The following MAP4K4 variants were observed in gnomAD, a reference collection of about 807,000 sequenced individuals.
MAP4K4 encodes the protein HPK/GCK-like kinase HGK.
MAP4K4 carries 38 observed loss-of-function variants against 189.6 expected under a neutral mutation model. The observed-to-expected ratio is 0.20, with a 90% CI of 0.15 to 0.26. MAP4K4 has a LOEUF of 0.26. Among genes scored for constraint, MAP4K4 ranks in the 10% least tolerant of loss-of-function variants. MAP4K4 has a pLI of 1.00. For missense variants in MAP4K4, 1,054 were observed against 1,726.9 expected, an observed-to-expected ratio of 0.61 and a Z score of 6.91; for synonymous variants, 610 against 624.3, an observed-to-expected ratio of 0.98 and a Z score of 0.34.
chr2:101,751,745 G>T (rs1395249584), intron 2 of MAP4K4, among the ~76,000 whole-genome samples: 1 of 152,198 alleles, frequency 6.6e-6, no homozygotes. Flanking sequence ...AGGTGAGTTG[G>T]TAGGGGCTCG....
chr2:101,735,161 A>G (rs1299127281), intron 2 of MAP4K4, among the ~76,000 whole-genome samples: 2 of 152,142 alleles, frequency 1.3e-5, no homozygotes, highest in Non-Finnish European at 2.9e-5. Context: ...GGTGGTATGA[A>G]TGAGACCACT....
intron 2 of MAP4K4, among the ~76,000 whole-genome samples, chr2:101,760,804 G>C (rs755785134): frequency 2.0e-5 from 3 of 152,078 alleles, no homozygotes; most frequent in Admixed American, 6.6e-5. Flanking sequence ...GGGAGTTGGC[G>C]ACCAGGCTGA....
intron 11 of MAP4K4, 58 bp from the exon 12 acceptor site, chr2:101,844,043 T>C: frequency 3.4e-6 from 4 of 1,190,802 alleles, no homozygotes; most frequent in East Asian, 5.0e-5. Context: ...TGCTATTGAC[T>C]CACTTATAGG....
intron 12 of MAP4K4, among the ~76,000 whole-genome samples, chr2:101,851,404 G>C (rs1031268788): frequency 2.6e-5 from 4 of 152,070 alleles, no homozygotes; most frequent in African/African-American, 9.7e-5. Context: ...AATTCCCTGG[G>C]CTTTGTTATT....
chr2:101,806,991 G>T (rs1003210962), intron 3 of MAP4K4, among the ~76,000 whole-genome samples: 1 of 151,902 alleles, frequency 6.6e-6, no homozygotes, highest in African/African-American at 2.4e-5. Flanking sequence ...GTGTGGAGTA[G>T]TGTTGGTTCA....
At chr2:101,707,451 C>T (rs1287062929) in intron 2 of MAP4K4, among the ~76,000 whole-genome samples, 1 of 151,948 alleles carries the variant, frequency 6.6e-6, no homozygotes, top group African/African-American at 2.4e-5. Flanking sequence ...TCAGGTGATC[C>T]CCCTGCCTGG....
intron 27 of MAP4K4, among the ~76,000 whole-genome samples, chr2:101,878,604 A>C (rs892233262): frequency 2.6e-5 from 4 of 152,224 alleles, no homozygotes; most frequent in African/African-American, 7.2e-5. Flanking sequence ...TTTTTCACAG[A>C]TATCCTTGTA....
intron 2 of MAP4K4, among the ~76,000 whole-genome samples, chr2:101,786,684 G>A (rs1296096430): frequency 6.6e-6 from 1 of 152,206 alleles, no homozygotes; most frequent in Non-Finnish European, 1.5e-5. Flanking sequence ...CTCTCTTGAA[G>A]TATGTATATA....
chr2:101,765,435 C>A (rs1048663025), intron 2 of MAP4K4, among the ~76,000 whole-genome samples: 2 of 152,106 alleles, frequency 1.3e-5, no homozygotes, highest in African/African-American at 4.8e-5. Context: ...GCTCAGGTGA[C>A]CCCCTTGCCT....
At chr2:101,757,598 C>T (rs554594635) in intron 2 of MAP4K4, among the ~76,000 whole-genome samples, 5 of 152,276 alleles carry the variant, frequency 3.3e-5, no homozygotes, top group South Asian at 2.1e-4. Context: ...GGATACATTC[C>T]AAGACCCCCA....
At chr2:101,753,421 T>G (rs1178624658) in intron 2 of MAP4K4, among the ~76,000 whole-genome samples, 1 of 152,240 alleles carries the variant, frequency 6.6e-6, no homozygotes, top group Non-Finnish European at 1.5e-5. Context: ...AACATTCTCA[T>G]TGTGCTGCTT....
At chr2:101,835,686 T>A (rs1162750354) in intron 8 of MAP4K4, among the ~76,000 whole-genome samples, 3 of 152,212 alleles carry the variant, frequency 2.0e-5, no homozygotes, top group Admixed American at 1.3e-4. Context: ...AAATGTATAT[T>A]CTTCTTGTTG....
intron 16 of MAP4K4, among the ~76,000 whole-genome samples, chr2:101,863,018 A>AT (rs34314427): frequency 3.9e-5 from 6 of 152,116 alleles, no homozygotes; most frequent in Admixed American, 3.9e-4. Context: ...TATTTTATGG[A>AT]TTTTTTCAGA....
exon 1 of MAP4K4, chr2:101,698,077 G>A (rs1558978450): frequency 7.6e-7 from 1 of 1,322,394 alleles, no homozygotes; most frequent in Non-Finnish European, 1.0e-6. Flanking sequence ...GGCAAAAAGG[G>A]AAAATGGCGA....
intron 3 of MAP4K4, among the ~76,000 whole-genome samples, chr2:101,806,179 T>C (rs866216982): frequency 1.3e-5 from 2 of 152,134 alleles, no homozygotes; most frequent in African/African-American, 4.8e-5. Context: ...GTCTTTGATA[T>C]GACATTTTGT....
At chr2:101,700,898 T>C (rs547467512) in intron 2 of MAP4K4, among the ~76,000 whole-genome samples, 1 of 152,148 alleles carries the variant, frequency 6.6e-6, no homozygotes, top group South Asian at 2.1e-4. Flanking sequence ...TTTTTAACTA[T>C]TTAATTTCTA....
chr2:101,819,514 C>T (rs1057456882), intron 3 of MAP4K4, among the ~76,000 whole-genome samples: 2 of 151,958 alleles, frequency 1.3e-5, no homozygotes, highest in Non-Finnish European at 2.9e-5. Context: ...GTGTAATAGT[C>T]GTCTATTTTA....
At chr2:101,860,076 G>A in intron 15 of MAP4K4, 1 of 597,128 alleles carries the variant, frequency 1.7e-6, no homozygotes, top group South Asian at 2.0e-5. Flanking sequence ...AAGGACCAGA[G>A]TGCCTCAGTT....
chr2:101,751,689 G>C (rs1449186162), intron 2 of MAP4K4, among the ~76,000 whole-genome samples: 1 of 152,146 alleles, frequency 6.6e-6, no homozygotes, highest in East Asian at 1.9e-4. Flanking sequence ...GTAAGTTAAG[G>C]AACTGTTAGG....
Sources: gnomAD v4.1 joint callset for allele counts (sites outside exome capture counted in the v4.1 genomes callset) on GRCh38, gnomAD v4.1.1 for gene constraint, MANE v1.5 for transcripts, NCBI Gene and HGNC (gene_info 2026-07-23, HGNC 2026-07-21) for gene names.